Variants in TMEM248 observed in about 807,000 individuals in gnomAD.
TMEM248 encodes transmembrane protein 248, also known as UPF0458 protein C7orf42.
Under a neutral mutation model 30.3 loss-of-function variants are expected in TMEM248, and 9 were observed. The ratio of observed to expected loss-of-function variants is 0.30; its 90% CI spans 0.18 to 0.52. The LOEUF (loss-of-function observed/expected upper bound fraction) is 0.52. TMEM248 is among the 20% of genes least tolerant of loss of function. TMEM248 has a pLI of 0.97. For synonymous variants in TMEM248, 184 were observed against 154.4 expected (o/e 1.19, Z -1.42); for missense variants, 338 against 403.3 (o/e 0.84, Z 1.39).
rs546750527 is a variant in TMEM248 at position 66,956,073 on chromosome 7, GTTTT to G, written c.*556_*559del. The G allele has an allele frequency of 6.6e-6, 1 of 152,336 alleles. No homozygotes were observed. Among genetic ancestry groups the G allele is most frequent in the Non-Finnish European group, 1.5e-5 (1 of 68,030 alleles). 9.4% of individuals were successfully genotyped at this position (152,336 alleles called of 1,614,324 possible). A position where few individuals can be genotyped will look rare whatever the true frequency, so the allele number is the denominator to read the frequency against. ...TTTGCTTGCAGGAAACATACCTTAA[GTTTT>G]TTTTGTTTTGTTTTTGTTTTTTTGT... On this transcript the variant is annotated 3_prime_UTR_variant, in exon 7 of 7. Transcript: ENST00000341567.
intron 1 of TMEM248, among the ~76,000 whole-genome samples, chr7:66,931,678 G>A (rs1476685424): frequency 1.3e-5 from 2 of 149,962 alleles, no homozygotes; most frequent in African/African-American, 4.9e-5. Context: ...GGGTCTTGTT[G>A]TGTTGGCCAG....
intron 2 of TMEM248, among the ~76,000 whole-genome samples, chr7:66,942,965 A>G (rs544258228): frequency 6.6e-6 from 1 of 150,476 alleles, no homozygotes; most frequent in Admixed American, 6.7e-5. Context: ...TGTAATTGAG[A>G]TCGTAGCTTT....
chr7:66,921,574 G>T (rs1791385929), intron 1 of TMEM248, 113 bp downstream of exon 1: 1 of 152,220 alleles, frequency 6.6e-6, no homozygotes. Context: ...TTTTTTCACC[G>T]CTTCTCAGGG....
At chr7:66,937,069 T>G (rs1416065697) in intron 1 of TMEM248, among the ~76,000 whole-genome samples, 1 of 152,190 alleles carries the variant, frequency 6.6e-6, no homozygotes, top group Non-Finnish European at 1.5e-5. Context: ...AACTTTCCTC[T>G]TAGTATTGCT....
intron 3 of TMEM248, among the ~76,000 whole-genome samples, chr7:66,946,140 T>C (rs1157651307): frequency 6.7e-6 from 1 of 149,346 alleles, no homozygotes; most frequent in Non-Finnish European, 1.5e-5. Flanking sequence ...TGCGCACTTG[T>C]AGTCCCAGCT....
At chr7:66,933,926 G>A (rs905075369) in intron 1 of TMEM248, among the ~76,000 whole-genome samples, 2 of 151,692 alleles carry the variant, frequency 1.3e-5, no homozygotes, top group Admixed American at 6.6e-5. Context: ...TGAATTTAGC[G>A]GGAGGGGTCA....
intron 2 of TMEM248, among the ~76,000 whole-genome samples, chr7:66,944,691 T>A (rs1034996321): frequency 7.2e-5 from 11 of 152,228 alleles, no homozygotes; most frequent in African/African-American, 1.2e-4. Context: ...CTGGATTTTT[T>A]AAAAAGATTT....
In TMEM248 at chr7:66,950,994, G is replaced by T. The variant is rs773149355; in HGVS notation, c.639G>T (p.Thr213=). The T allele has an allele frequency of 6.2e-7, 1 of 1,610,060 alleles. No homozygotes were observed. Among genetic ancestry groups the T allele is most frequent in the Non-Finnish European group, 8.5e-7 (1 of 1,178,730 alleles). ...TTCCTGACACGTACAGCAACGCCAC[G>T]CTCTGGTACAAGATCTTCACAACTG... ...HCVPDTYSNA[T]LWYKIFTTAR... Residue 213 remains threonine, a synonymous_variant, in exon 5 of 7, where the codon ACG becomes ACT. Transcript: ENST00000341567.
In TMEM248 at chr7:66,941,449, G is replaced by A. The variant is rs575559223; in HGVS notation, c.-18-399G>A. On this transcript the variant is annotated intron_variant, in intron 1 of 6. Transcript: ENST00000341567. ...ACACACCTTTAGTCCTGGCTACTCG[G>A]GAGGCTGAGGTGGGAGGATAGCTTA... 7.6e-4 allele frequency among the ~76,000 whole-genome samples: 116 copies of A among 151,894 alleles called. 1 individual carries two copies. The South Asian group carries it at 0.024, about 31-fold the overall frequency.
At chr7:66,933,497 T>C (rs1384046128) in intron 1 of TMEM248, among the ~76,000 whole-genome samples, 2 of 152,244 alleles carry the variant, frequency 1.3e-5, no homozygotes. Flanking sequence ...TCCTTAGGTT[T>C]AGTTCTTAGA....
intron 3 of TMEM248, 116 bp downstream of exon 3, chr7:66,945,377 CT>C (rs979826847): frequency 6.9e-5 from 81 of 1,176,650 alleles, no homozygotes; most frequent in South Asian, 1.1e-4. Flanking sequence ...TTGCGCGTGT[CT>C]TTTTTTTGTT....
At position 66,958,364 on chromosome 7, in the gene TMEM248, AG is replaced by A. The variant is rs1792451228; in HGVS notation, c.*2845del. On this transcript the variant is annotated 3_prime_UTR_variant, in exon 7 of 7. Transcript: ENST00000341567. ...TGTTGCGTTTTCCTCGGCAGCGTGT[AG>A]GGCTTCAGCTTCCTGGGTTTTCACC... 6.6e-6 allele frequency: 1 copy of A among 152,610 alleles called. No individual in the cohort carries two copies. Among genetic ancestry groups the A allele is most frequent in the African/African-American group, 2.4e-5 (1 of 41,416 alleles). The allele number at this position is 152,610 out of a possible 1,614,324, so 9.5% of individuals were successfully genotyped here.
chr7:66,953,153 T>C, intron 5 of TMEM248, 73 bp from the exon 6 acceptor site: 1 of 1,545,820 alleles, frequency 6.5e-7, no homozygotes, highest in Non-Finnish European at 8.8e-7. Flanking sequence ...ATCCTGTCTC[T>C]CAAAACCCAG....
Position 66,951,152 on chromosome 7 carries a change from G to A in TMEM248, c.780+17G>A. ...GTTCCAGATGTAAGTGAGAAAAATT[G>A]TGTGTGTGTGTGTGCGTGCATGCAT... On this transcript the variant is annotated intron_variant, in intron 5 of 6. Transcript: ENST00000341567. The A allele has an allele frequency of 7.8e-7, 1 of 1,282,278 alleles. No individual in the cohort carries two copies. Among genetic ancestry groups the A allele is most frequent in the Admixed American group, 2.8e-5 (1 of 35,696 alleles). 79.4% of individuals were successfully genotyped at this position (1,282,278 alleles called of 1,614,324 possible).
chr7:66,924,796 G>C (rs998447966), intron 1 of TMEM248, among the ~76,000 whole-genome samples: 2 of 151,736 alleles, frequency 1.3e-5, no homozygotes, highest in Non-Finnish European at 2.9e-5. Flanking sequence ...TGCAACCTTC[G>C]CCGCCCAGTT....
intron 1 of TMEM248, among the ~76,000 whole-genome samples, chr7:66,926,994 A>C (rs1222461232): frequency 1.3e-5 from 2 of 152,200 alleles, no homozygotes; most frequent in Admixed American, 1.3e-4. Flanking sequence ...GAAAGGTTTC[A>C]TACTGAACTA....
intron 5 of TMEM248, among the ~76,000 whole-genome samples, chr7:66,951,820 C>T (rs776206969): frequency 3.3e-5 from 5 of 151,760 alleles, no homozygotes; most frequent in African/African-American, 1.2e-4. Context: ...GTCACCATGC[C>T]GGGATAATTT....
At chr7:66,946,089 A>AG (rs1792096408) in intron 3 of TMEM248, among the ~76,000 whole-genome samples, 1 of 151,046 alleles carries the variant, frequency 6.6e-6, no homozygotes, top group Non-Finnish European at 1.5e-5. Context: ...TCTCTCCAAA[A>AG]AAAAAAAAAA....
chr7:66,945,284 T>C (rs1469657242), intron 3 of TMEM248, 23 bp downstream of exon 3: 1 of 1,605,706 alleles, frequency 6.2e-7, no homozygotes, highest in South Asian at 1.1e-5. Flanking sequence ...CACTCTCCAC[T>C]CAGGCTCCTT....
Sources: allele counts gnomAD v4.1 joint callset (sites outside exome capture counted in the v4.1 genomes callset), GRCh38; gene constraint gnomAD v4.1.1; transcripts MANE v1.5; gene names NCBI Gene and HGNC (gene_info 2026-07-23, HGNC 2026-07-21).